Variants in DAB1 observed in about 807,000 individuals in gnomAD.
DAB1 encodes disabled homolog 1.
In DAB1, 15 loss-of-function variants were observed where a neutral mutation model predicts 64.6. That is an observed-to-expected ratio of 0.23 (90% CI 0.16 to 0.36). The LOEUF (loss-of-function observed/expected upper bound fraction) is 0.36, where lower values mean the gene tolerates loss of function less well. Among genes scored for constraint, DAB1 ranks in the 10% least tolerant of loss-of-function variants. The pLI is 1.00. For missense variants in DAB1, 596 were observed against 706.7 expected (o/e 0.84, Z 1.78); for synonymous variants, 235 against 251.9 (o/e 0.93, Z 0.64).
intron 7 of DAB1, among the ~76,000 whole-genome samples, chr1:57,593,215 G>A (rs1645466706): frequency 1.3e-5 from 2 of 152,146 alleles, no homozygotes; most frequent in Non-Finnish European, 2.9e-5. Flanking sequence ...AGGACCTGTG[G>A]ATTTGACTTC....
chr1:57,677,610 C>CA (rs1165868605), intron 6 of DAB1, among the ~76,000 whole-genome samples: 2 of 152,068 alleles, frequency 1.3e-5, no homozygotes. Context: ...CAAAACCATG[C>CA]AAAAAATTAC....
At chr1:57,860,596 T>C (rs1370149539) in intron 1 of DAB1, 5 of 152,258 alleles carry the variant, frequency 3.3e-5, no homozygotes, top group Admixed American at 6.5e-5. Context: ...CAGGAGCTGG[T>C]AATCAGGATG....
intron 1 of DAB1, among the ~76,000 whole-genome samples, chr1:57,335,699 T>C (rs938218351): frequency 7.2e-5 from 11 of 152,178 alleles, no homozygotes; most frequent in Admixed American, 7.2e-4. Flanking sequence ...ACTGATAAAC[T>C]CTCTTTTATT....
chr1:57,898,706 C>A (rs1328545607), intron 5 of DAB1, among the ~76,000 whole-genome samples: 1 of 152,094 alleles, frequency 6.6e-6, no homozygotes. Context: ...GTGTCTCTGC[C>A]CCCACTTGGT....
At chr1:58,466,103 G>A (rs559421477) in intron 3 of DAB1, among the ~76,000 whole-genome samples, 1 of 152,216 alleles carries the variant, frequency 6.6e-6, no homozygotes, top group South Asian at 2.1e-4. Flanking sequence ...TAGCACAAAC[G>A]CTGTGTCCTG....
chr1:57,441,712 T>C (rs1322054181), intron 7 of DAB1, among the ~76,000 whole-genome samples: 1 of 152,330 alleles, frequency 6.6e-6, no homozygotes, highest in East Asian at 1.9e-4. Context: ...ATTCCATGTC[T>C]TTGCTATTGT....
At position 57,818,154 on chromosome 1, in the gene DAB1, T is replaced by C. The variant is rs192383256; in HGVS notation, n.551+65845A>G. 3.1e-3 allele frequency among the ~76,000 whole-genome samples: 475 copies of C among 152,016 alleles called. 4 individuals are homozygous for C. Among genetic ancestry groups the C allele is most frequent in the African/African-American group, 0.01 (431 of 41,438 alleles). ...AAGAGAGCTAGATAATACTATAGAG[T>C]GTGAGGGGTGTTATAATGATGGTCA... is the stretch of plus-strand genomic sequence containing the variant. On this transcript the variant is annotated intron_variant and non_coding_transcript_variant, in intron 6 of 20. Coordinates refer to the DAB1 transcript ENST00000485760.
chr1:58,361,863 C>CTT (rs34029239), intron 3 of DAB1, among the ~76,000 whole-genome samples: 7,148 of 83,978 alleles, frequency 0.085, 718 homozygotes, highest in South Asian at 0.099. Context: ...AAAGATCCCC[C>CTT]TTTTTTTTTT....
intron 5 of DAB1, among the ~76,000 whole-genome samples, chr1:57,890,276 T>A (rs546296900): frequency 6.6e-6 from 1 of 152,140 alleles, no homozygotes; most frequent in South Asian, 2.1e-4. Context: ...ATCTGGAGAA[T>A]AAAGTGTGGA....
chr1:58,361,768 C>T lies in DAB1; in HGVS notation n.258-18365G>A, dbSNP rs1644169181. ...ATAAAACAGGAGAACCCTAGTCTTA[C>T]CTGCCTTCTCTGCTATTATTAACAT... On this transcript the variant is annotated intron_variant and non_coding_transcript_variant, in intron 3 of 20. Transcript: ENST00000485760. 1.3e-5 allele frequency among the ~76,000 whole-genome samples: 2 copies of T among 151,930 alleles called. 1 individual carries two copies. The highest frequency in any genetic ancestry group is 4.2e-4 in the South Asian group (2 of 4,804).
At chr1:57,145,137 A>G (rs556915392) in intron 3 of DAB1, among the ~76,000 whole-genome samples, 153 bp downstream of exon 3, 10 of 152,340 alleles carry the variant, frequency 6.6e-5, no homozygotes, top group Middle Eastern at 3.4e-3. Context: ...AATGATTGAA[A>G]TATCTTCCGA....
intron 5 of DAB1, among the ~76,000 whole-genome samples, chr1:57,914,166 T>G (rs1644690201): frequency 6.6e-6 from 1 of 152,126 alleles, no homozygotes; most frequent in African/African-American, 2.4e-5. Flanking sequence ...TGCGGCACTA[T>G]TCACAATAGC....
intron 3 of DAB1, among the ~76,000 whole-genome samples, chr1:58,461,881 G>C (rs2100313092): frequency 6.6e-6 from 1 of 152,250 alleles, no homozygotes; most frequent in South Asian, 2.1e-4. Context: ...ATATACTTCT[G>C]CCAGCTATAT....
At chr1:57,922,636 G>A (rs755893753) in intron 5 of DAB1, among the ~76,000 whole-genome samples, 2 of 151,754 alleles carry the variant, frequency 1.3e-5, no homozygotes, top group Non-Finnish European at 1.5e-5. Flanking sequence ...ATTTTGAGAA[G>A]CATAATAAAA....
At chr1:58,281,318 A>T (rs1424391825) in intron 4 of DAB1, among the ~76,000 whole-genome samples, 1 of 150,026 alleles carries the variant, frequency 6.7e-6, no homozygotes, top group East Asian at 2.0e-4. Flanking sequence ...CTGACAATTC[A>T]CACAAGTGAC....
At chr1:57,696,619 G>A (rs1010194441) in intron 6 of DAB1, among the ~76,000 whole-genome samples, 6 of 152,242 alleles carry the variant, frequency 3.9e-5, no homozygotes, top group African/African-American at 1.4e-4. Context: ...CCTCAAACGG[G>A]GGCTCTGGGC....
At chr1:58,016,101 C>T (rs1646735568) in intron 5 of DAB1, among the ~76,000 whole-genome samples, 1 of 152,052 alleles carries the variant, frequency 6.6e-6, no homozygotes. Context: ...ACTAACCTGG[C>T]CTCTGATCTT....
intron 6 of DAB1, among the ~76,000 whole-genome samples, chr1:57,730,751 G>A (rs1647374417): frequency 6.6e-6 from 1 of 152,200 alleles, no homozygotes; most frequent in African/African-American, 2.4e-5. Flanking sequence ...TAGACAGATA[G>A]ATGAATAAAA....
At chr1:57,461,766 C>T (rs183173852) in intron 7 of DAB1, among the ~76,000 whole-genome samples, 3 of 151,948 alleles carry the variant, frequency 2.0e-5, no homozygotes, top group Non-Finnish European at 2.9e-5. Flanking sequence ...TCTCTTCTGT[C>T]GTAATTATCT....
Sources: gnomAD v4.1 joint callset for allele counts (sites outside exome capture counted in the v4.1 genomes callset) on GRCh38, gnomAD v4.1.1 for gene constraint, MANE v1.5 for transcripts, NCBI Gene and HGNC (gene_info 2026-07-23, HGNC 2026-07-21) for gene names.